SLC6A16: variants seen among roughly 807,000 people sequenced by gnomAD.
SLC6A16 encodes the protein solute carrier family 6 member 16.
Under a neutral mutation model 65.4 loss-of-function variants are expected in SLC6A16, and 54 were observed. That is an observed-to-expected ratio of 0.83 (90% CI 0.66 to 1.04). The LOEUF (loss-of-function observed/expected upper bound fraction) is 1.04, where lower values mean the gene tolerates loss of function less well. Among genes scored for constraint, SLC6A16 ranks in the 50% least tolerant of loss-of-function variants. The probability of loss-of-function intolerance (pLI) is 0.00; values close to 1 mark genes in which losing one functional copy is unlikely to be tolerated. For missense variants in SLC6A16, 816 were observed against 914.0 expected, an observed-to-expected ratio of 0.89 and a Z score of 1.38; for synonymous variants, 330 against 346.5, an observed-to-expected ratio of 0.95 and a Z score of 0.53.
At position 49,289,995 on chromosome 19, in the gene SLC6A16, G is replaced by A; in HGVS notation, c.*128C>T. 2.1e-6 allele frequency: 2 copies of A among 964,826 alleles called. No individual in the cohort carries two copies. The highest frequency in any genetic ancestry group is 3.1e-6 in the Non-Finnish European group (2 of 654,378). 59.8% of individuals were successfully genotyped at this position (964,826 alleles called of 1,614,324 possible). On this transcript the variant is annotated 3_prime_UTR_variant, in exon 12 of 12. Transcript: ENST00000335875. ...TCCAGGCCCCATGAACACCCCCAAA[G>A]AATGCCCCTCCTCTTGGAAATAAAA...
chr19:49,291,193 C>G (rs1970071999), intron 10 of SLC6A16, among the ~76,000 whole-genome samples: 1 of 152,094 alleles, frequency 6.6e-6, no homozygotes, highest in Admixed American at 6.5e-5. Context: ...TACATATTCT[C>G]AATCTCAATA....
At chr19:49,291,639 T>C (rs921341385) in intron 10 of SLC6A16, among the ~76,000 whole-genome samples, 1 of 152,064 alleles carries the variant, frequency 6.6e-6, no homozygotes, top group Non-Finnish European at 1.5e-5. Context: ...AAGTGCTGGA[T>C]ATCCAGCACT....
rs778429898 is a variant in SLC6A16, at chr19:49,308,998, G to A, written c.1107C>T (p.Asn369=). Reference sequence around the variant, plus strand: ...ACACGAGAAAGGCATCACTGAGACAGTTGTTGGACTGGGGCATGTAGGAGG... The same window carrying A: ...ACACGAGAAAGGCATCACTGAGACAATTGTTGGACTGGGGCATGTAGGAGG... ...SLASYMPQSN[N]CLSDAFLVSV... is the part of the protein sequence containing the mutation. Residue 369 remains asparagine, a synonymous_variant, in exon 7 of 12, where the codon AAC becomes AAT. Coordinates refer to ENST00000335875, the MANE Select transcript of SLC6A16 (RefSeq NM_014037.3). 38 of 1,614,128 alleles carry A rather than the reference G, an allele frequency of 2.4e-5. No homozygotes were observed. Among genetic ancestry groups the A allele is most frequent in the Non-Finnish European group, 3.1e-5 (36 of 1,180,050 alleles).
intron 1 of SLC6A16, among the ~76,000 whole-genome samples, chr19:49,323,697 A>G (rs974395092): frequency 1.3e-5 from 2 of 152,208 alleles, no homozygotes; most frequent in Non-Finnish European, 2.9e-5. Flanking sequence ...CTAATATAAA[A>G]AGGCAGAAAA....
chr19:49,327,882 G>T (rs531226553), upstream of SLC6A16, among the ~76,000 whole-genome samples: 5 of 152,354 alleles, frequency 3.3e-5, no homozygotes, highest in African/African-American at 1.2e-4. Context: ...AAATGGCAAA[G>T]AGTCTGATAT....
In SLC6A16 at chr19:49,309,098, A is replaced by G. The variant is rs143434861; in HGVS notation, c.1007T>C (p.Met336Thr). The change falls in exon 7 of 12, where the codon ATG (methionine) becomes ACG (threonine). Residue 336 changes from methionine to threonine, a missense_variant. Coordinates refer to ENST00000335875, the MANE Select transcript of SLC6A16 (RefSeq NM_014037.3). ...ACCCCCTGCTAGAGACCACACACTC[A>G]TATTGTACACATCCGATATCTAAAA... Reference protein sequence around the residue: ...VVAKISDVYNMSVWSLAGGQV... With the variant: ...VVAKISDVYNTSVWSLAGGQV... 1.3e-4 allele frequency: 203 copies of G among 1,614,196 alleles called. No individual in the cohort carries two copies. The highest frequency in any genetic ancestry group is 1.6e-4 in the Non-Finnish European group (189 of 1,180,022).
chr19:49,335,626 C>T, the SLC6A16 span: 1 of 1,612,592 alleles, frequency 6.2e-7, no homozygotes, highest in Middle Eastern at 1.6e-4. The surrounding 1 kb of genome is among the most constrained non-coding windows in gnomAD (Gnocchi z 4.6). Context: ...TGCCTCATGG[C>T]TACCCAGCCG....
At position 49,310,192 on chromosome 19, in the gene SLC6A16, G is replaced by A. The variant is rs185344531; in HGVS notation, c.574-26C>T. 11 of 1,613,820 alleles carry A rather than the reference G, an allele frequency of 6.8e-6. No homozygotes were observed. The East Asian group carries it at 2.2e-4, about 33-fold the overall frequency. Reference sequence around the variant, plus strand: ...CTGGGGGCCAAGGAGGATATGGCTGGGGAGGAAGAGCAGGGACAGGAAAAG... The same window carrying A: ...CTGGGGGCCAAGGAGGATATGGCTGAGGAGGAAGAGCAGGGACAGGAAAAG... On this transcript the variant is annotated intron_variant, in intron 3 of 11. Transcript: ENST00000335875.
At chr19:49,324,313 A>C (rs1329966752) in intron 1 of SLC6A16, among the ~76,000 whole-genome samples, 2 of 152,226 alleles carry the variant, frequency 1.3e-5, no homozygotes, top group Non-Finnish European at 2.9e-5. Context: ...CCTGGGTGAC[A>C]GAGTGGGACT....
At chr19:49,336,009 A>C in the SLC6A16 span, 1 of 581,684 alleles carries the variant, frequency 1.7e-6, no homozygotes, top group East Asian at 2.8e-5. Flanking sequence ...AGCACTTCCT[A>C]TCTGTCGGGA....
At chr19:49,339,388 T>C in the SLC6A16 span, 6 of 1,613,988 alleles carry the variant, frequency 3.7e-6, no homozygotes, top group Non-Finnish European at 5.1e-6. The surrounding 1 kb of genome is among the most constrained non-coding windows in gnomAD (Gnocchi z 4.5). Context: ...ATAGTGGGCA[T>C]TTGCCTGGGC....
intron 7 of SLC6A16, among the ~76,000 whole-genome samples, chr19:49,300,479 T>C (rs559087965): frequency 1.3e-5 from 2 of 152,280 alleles, no homozygotes; most frequent in South Asian, 4.1e-4. Flanking sequence ...AGAATGCATA[T>C]TGTGAATTCT....
At chr19:49,339,283 TGA>T in the SLC6A16 span, 1 of 1,546,904 alleles carries the variant, frequency 6.5e-7, no homozygotes, top group Non-Finnish European at 8.9e-7. This position sits in a 1 kb window ranked among gnomAD's most constrained non-coding sequence, Gnocchi z 4.5. Flanking sequence ...GGCCTGGGCT[TGA>T]GAGTCCCAGA....
rs368706670 is a variant in SLC6A16, at chr19:49,324,953, TG to T, written c.-65+94del. ...CAGCCAGTCACCTGTCACCCGTCAG[TG>T]GAGCCCAGTGGGCCCGGGCCTCGAA... On this transcript the variant is annotated intron_variant, in intron 1 of 11. Coordinates refer to ENST00000335875, the MANE Select transcript of SLC6A16 (RefSeq NM_014037.3). 92 of 761,454 alleles carry T rather than the reference TG, an allele frequency of 1.2e-4. No individual in the cohort carries two copies. The East Asian group carries it at 8.5e-3, about 71-fold the overall frequency. The allele number at this position is 761,454 out of a possible 1,614,324, so 47.2% of individuals were successfully genotyped here.
In SLC6A16 at chr19:49,311,189, T is replaced by C. The variant is rs751038869; in HGVS notation, c.159A>G (p.Ala53=). ...TGGCCTGAGCCTCTGCAACCCGGGC[T>C]GCTGAAACTTGGGCCTCTGAGGTCC... ...TSWTSEAQVS[A]ARVAEAQART... Residue 53 remains alanine, a synonymous_variant, in exon 2 of 12, where the codon GCA becomes GCG. Coordinates refer to ENST00000335875, the MANE Select transcript of SLC6A16 (RefSeq NM_014037.3). 6.2e-7 allele frequency: 1 copy of C among 1,614,172 alleles called. No individual in the cohort carries two copies. The highest frequency in any genetic ancestry group is 1.7e-5 in the Admixed American group (1 of 60,020).
At position 49,309,327 on chromosome 19, in the gene SLC6A16, C is replaced by A. The variant is rs1383939189; in HGVS notation, c.961G>T (p.Gly321Cys). Residue 321 changes from glycine to cysteine, a missense_variant, in exon 6 of 12, where the codon GGC becomes TGC. Physicochemically the swap from Gly to Cys is radical, Grantham distance 159. Coordinates refer to ENST00000335875, the MANE Select transcript of SLC6A16 (RefSeq NM_014037.3). ...TTGGCAACCACCAACTGTTGAAGGC[C>A]AAATTTTGCCCCTTCCAGGAGTAGA... Reference protein sequence around the residue: ...RTLLLEGAKFGLQQLVVAKIS... With the variant: ...RTLLLEGAKFCLQQLVVAKIS... 5 of 1,613,950 alleles carry A rather than the reference C, an allele frequency of 3.1e-6. No individual in the cohort carries two copies. The East Asian group carries it at 1.1e-4, about 36-fold the overall frequency.
chr19:49,334,482 C>T, the SLC6A16 span, among the ~76,000 whole-genome samples: 3 of 150,996 alleles, frequency 2.0e-5, no homozygotes, highest in Non-Finnish European at 4.4e-5. Flanking sequence ...GTCTCAAAAA[C>T]AAAAACAAAA....
At chr19:49,318,112 C>T (rs1206069794) in intron 1 of SLC6A16, among the ~76,000 whole-genome samples, 4 of 152,022 alleles carry the variant, frequency 2.6e-5, no homozygotes, top group Admixed American at 1.3e-4. Context: ...AAAGTACCTT[C>T]GAGCCATTAG....
chr19:49,339,197 A>T, the SLC6A16 span: 2 of 803,912 alleles, frequency 2.5e-6, no homozygotes, highest in African/African-American at 1.7e-5. The surrounding 1 kb of genome is among the most constrained non-coding windows in gnomAD (Gnocchi z 4.5). Flanking sequence ...ACTAGTAAGG[A>T]GACTAGAGTG....
Sources: allele counts gnomAD v4.1 joint callset (sites outside exome capture counted in the v4.1 genomes callset), GRCh38; gene constraint gnomAD v4.1.1; non-coding constraint Gnocchi (gnomAD v3.1); transcripts MANE v1.5; gene names NCBI Gene and HGNC (gene_info 2026-07-23, HGNC 2026-07-21).